Variants in TDRD3 observed in about 807,000 individuals in gnomAD.
The protein encoded by TDRD3 is tudor domain containing 3.
TDRD3 carries 45 observed loss-of-function variants against 86.7 expected under a neutral mutation model. The observed-to-expected ratio is 0.52, with a 90% confidence interval of 0.41 to 0.67. TDRD3 has a LOEUF of 0.67. Among genes scored for constraint, TDRD3 ranks in the 30% least tolerant of loss-of-function variants. The pLI, the probability that TDRD3 is intolerant of heterozygous loss-of-function variation, is 0.00. For synonymous variants in TDRD3, 298 were observed against 301.7 expected (o/e 0.99, Z 0.13); for missense variants, 814 against 889.0 (o/e 0.92, Z 1.07).
chr13:60,495,404 C>T lies in TDRD3; in HGVS notation c.858+829C>T, dbSNP rs144320584. Among the ~76,000 whole-genome samples the T allele has an allele frequency of 5.3e-5, 8 of 151,898 alleles. No individual in the cohort carries two copies. In the East Asian group the frequency reaches 1.2e-3, roughly 22 times the overall value. On this transcript the variant is annotated intron_variant, in intron 8 of 13. Coordinates refer to ENST00000377881, the MANE Select transcript of TDRD3 (RefSeq NM_001146070.2). ...GAGTAATTCATGCAGAGCCAGCTAT[C>T]GTGAGAGACTGGAGTTTTATTATAC...
intron 1 of TDRD3, among the ~76,000 whole-genome samples, chr13:60,430,902 A>G (rs1954939971): frequency 3.9e-5 from 6 of 152,152 alleles, no homozygotes; most frequent in Admixed American, 3.9e-4. Context: ...TTGATGTCAC[A>G]GAAAAGCAAT....
At chr13:60,570,754 G>A (rs1386080925) in intron 13 of TDRD3, among the ~76,000 whole-genome samples, 1 of 152,162 alleles carries the variant, frequency 6.6e-6, no homozygotes, top group Non-Finnish European at 1.5e-5. Context: ...AGGAGGCAGT[G>A]AACATGAATG....
intron 1 of TDRD3, among the ~76,000 whole-genome samples, chr13:60,398,008 T>C (rs1953986178): frequency 6.6e-6 from 1 of 152,202 alleles, no homozygotes; most frequent in African/African-American, 2.4e-5. Context: ...ATGACCGCAA[T>C]GTCAACTCGT....
intron 12 of TDRD3, among the ~76,000 whole-genome samples, chr13:60,541,145 TATTC>T (rs750137983): frequency 1.4e-5 from 2 of 138,866 alleles, no homozygotes; most frequent in African/African-American, 2.8e-5. Flanking sequence ...TTTGTTTTTC[TATTC>T]TTTCTTTCTT....
intron 1 of TDRD3, among the ~76,000 whole-genome samples, chr13:60,428,634 A>ATAGT (rs77096570): frequency 0.2 from 30,163 of 152,144 alleles, 3,610 homozygotes; most frequent in South Asian, 0.29. Context: ...TTTAAGGTGA[A>ATAGT]AAGTGATTTT....
At chr13:60,417,964 C>T (rs535323096) in intron 1 of TDRD3, among the ~76,000 whole-genome samples, 9 of 152,148 alleles carry the variant, frequency 5.9e-5, no homozygotes, top group Non-Finnish European at 1.2e-4. Flanking sequence ...GGCCTTTATT[C>T]TTGAGAGTAG....
At chr13:60,540,834 A>C (rs1385857295) in intron 12 of TDRD3, among the ~76,000 whole-genome samples, 1 of 152,148 alleles carries the variant, frequency 6.6e-6, no homozygotes, top group African/African-American at 2.4e-5. Context: ...AGTAATGAAA[A>C]TATAGATTAT....
At chr13:60,513,384 G>A (rs1290165826) in intron 10 of TDRD3, among the ~76,000 whole-genome samples, 7 of 152,184 alleles carry the variant, frequency 4.6e-5, no homozygotes, top group African/African-American at 1.7e-4. Context: ...CCATTGTCTT[G>A]GGGATTAACA....
At chr13:60,465,047 A>C (rs1955888295) in intron 4 of TDRD3, among the ~76,000 whole-genome samples, 1 of 152,184 alleles carries the variant, frequency 6.6e-6, no homozygotes, top group Non-Finnish European at 1.5e-5. Context: ...AAAATATCAC[A>C]CATACCCCCA....
At chr13:60,478,026 T>C (rs1467124677) in intron 5 of TDRD3, among the ~76,000 whole-genome samples, 1 of 152,130 alleles carries the variant, frequency 6.6e-6, no homozygotes, top group Non-Finnish European at 1.5e-5. Flanking sequence ...TAAGAGATTT[T>C]TTTTTATTAA....
At chr13:60,450,509 C>G (rs1462240309) in intron 3 of TDRD3, among the ~76,000 whole-genome samples, 2 of 152,034 alleles carry the variant, frequency 1.3e-5, no homozygotes, top group African/African-American at 4.8e-5. Flanking sequence ...TTAGTAAATA[C>G]AAATAATCCT....
At chr13:60,523,987 G>T (rs1957348825) in intron 10 of TDRD3, among the ~76,000 whole-genome samples, 1 of 150,964 alleles carries the variant, frequency 6.6e-6, no homozygotes, top group East Asian at 1.9e-4. Flanking sequence ...TTTCCTTTGG[G>T]GTGATTTAAA....
At chr13:60,463,045 T>G (rs1293660447) in intron 4 of TDRD3, among the ~76,000 whole-genome samples, 1 of 152,172 alleles carries the variant, frequency 6.6e-6, no homozygotes, top group East Asian at 1.9e-4. Flanking sequence ...TAAATGCTGC[T>G]AGGAAAACTA....
chr13:60,569,956 A>T (rs1958546760), intron 13 of TDRD3, among the ~76,000 whole-genome samples: 1 of 152,220 alleles, frequency 6.6e-6, no homozygotes, highest in Non-Finnish European at 1.5e-5. Flanking sequence ...TGAAACTATG[A>T]CACTCGTAGA....
At chr13:60,535,272 T>C in intron 12 of TDRD3, 39 bp downstream of exon 12, 5 of 1,563,768 alleles carry the variant, frequency 3.2e-6, no homozygotes, top group South Asian at 1.2e-5. Context: ...ATAAACTATT[T>C]TGAAGAAAAT....
rs1440232218 is a variant in TDRD3, at chr13:60,460,375, G to A, written c.193-5G>A. ...AGTGATTTTTATTCTTTTCTGTTTT[G>A]ACAGCTCGAAGGTCCATGTGTTTTG... is the stretch of plus-strand genomic sequence containing the variant. On this transcript the variant is annotated splice_polypyrimidine_tract_variant and splice_region_variant and intron_variant, in intron 3 of 13. Transcript: ENST00000377881. 1 of 1,589,888 alleles carries A rather than the reference G, an allele frequency of 6.3e-7. No homozygotes were observed. Among genetic ancestry groups the A allele is most frequent in the East Asian group, 2.3e-5 (1 of 43,504 alleles).
intron 1 of TDRD3, among the ~76,000 whole-genome samples, chr13:60,406,289 C>T (rs1423531628): frequency 6.6e-6 from 1 of 152,118 alleles, no homozygotes; most frequent in Non-Finnish European, 1.5e-5. Context: ...AATATGGCTA[C>T]TGATCACTTG....
At chr13:60,471,437 T>A (rs1056549301) in intron 5 of TDRD3, among the ~76,000 whole-genome samples, 5 of 152,182 alleles carry the variant, frequency 3.3e-5, no homozygotes, top group African/African-American at 1.2e-4. Flanking sequence ...ACTGTAACTT[T>A]TTATTAAGTT....
At chr13:60,452,338 C>T (rs1955569588) in intron 3 of TDRD3, among the ~76,000 whole-genome samples, 1 of 151,996 alleles carries the variant, frequency 6.6e-6, no homozygotes, top group Admixed American at 6.6e-5. Flanking sequence ...CATGGAAAGG[C>T]AGCTGATATT....
Sources: allele counts gnomAD v4.1 joint callset (sites outside exome capture counted in the v4.1 genomes callset), GRCh38; gene constraint gnomAD v4.1.1; transcripts MANE v1.5; gene names NCBI Gene and HGNC (gene_info 2026-07-23, HGNC 2026-07-21).